The following CLCC1 variants were observed in gnomAD, a reference collection of about 807,000 sequenced individuals.
The protein encoded by CLCC1 is chloride channel CLIC-like protein 1.
A neutral mutation model predicts 63.3 loss-of-function variants in CLCC1; 39 were observed. That is an observed-to-expected ratio of 0.62 (90% CI 0.48 to 0.81). CLCC1 has a LOEUF of 0.81. CLCC1 is among the 30% of genes least tolerant of loss of function. The pLI is 0.00. For missense variants in CLCC1, 549 were observed against 669.4 expected, an observed-to-expected ratio of 0.82 and a Z score of 1.98; for synonymous variants, 217 against 239.8, an observed-to-expected ratio of 0.90 and a Z score of 0.88.
At position 108,934,857 on chromosome 1, in the gene CLCC1, CT is replaced by C; in HGVS notation, c.1468del (p.Ser490AlafsTer90). The stretch of plus-strand genomic sequence containing the variant: ...AGAGACAGGCTTGGCCGACTGGCTG[CT>C]TTCAGTACTGCTTTCTTTCGGTGTG... ...EGTPKESSTESSQSAKPVSGQ... is the reference protein window; with the variant it reads ...EGTPKESSTEXSQSAKPVSGQ... On this transcript the variant is annotated frameshift_variant, in exon 12 of 13. Transcript: ENST00000369969. LOFTEE classifies it high-confidence loss of function. 1 of 1,614,244 alleles carries C rather than the reference CT, an allele frequency of 6.2e-7. No individual in the cohort carries two copies. The highest frequency in any genetic ancestry group is 8.5e-7 in the Non-Finnish European group (1 of 1,180,046).
chr1:108,935,000 A>C (rs1222135735), intron 11 of CLCC1, 58 bp from the exon 12 acceptor site: 13 of 1,499,776 alleles, frequency 8.7e-6, no homozygotes, highest in Non-Finnish European at 1.1e-5. Context: ...CTTAGTAATC[A>C]AACATATCTA....
rs114872012 is a variant in CLCC1 at position 108,961,881 on chromosome 1, T to C, written c.-12+428A>G. On this transcript the variant is annotated intron_variant, in intron 2 of 12. Transcript: ENST00000369969. ...TCTAAAAAAAAAAAAGTAGCTAATATTTTGTTACTATGTGCTAAGCACTGT... is the reference window on the plus strand; with the variant it reads ...TCTAAAAAAAAAAAAGTAGCTAATACTTTGTTACTATGTGCTAAGCACTGT... 5.5e-3 allele frequency among the ~76,000 whole-genome samples: 838 copies of C among 152,212 alleles called. 6 individuals are homozygous for C. The highest frequency in any genetic ancestry group is 0.019 in the African/African-American group (801 of 41,514).
Position 108,937,008 on chromosome 1 carries a change from C to T in CLCC1, c.1383+69G>A, listed in dbSNP as rs1653118135. 3 of 1,141,136 alleles carry T rather than the reference C, an allele frequency of 2.6e-6. No homozygotes were observed. In the East Asian group the frequency reaches 8.2e-5, roughly 31 times the overall value. The allele number at this position is 1,141,136 out of a possible 1,614,324, so 70.7% of individuals were successfully genotyped here. On this transcript the variant is annotated intron_variant, in intron 11 of 12. Transcript: ENST00000369969. Reference sequence around the variant, plus strand: ...TGAGGGGTAAAAGAGTAAAAACAATCAGACCTCTTCCAGAAGGATTTAGAA... The same window carrying T: ...TGAGGGGTAAAAGAGTAAAAACAATTAGACCTCTTCCAGAAGGATTTAGAA...
At position 108,929,936 on chromosome 1, in the gene CLCC1, AT is replaced by A; in HGVS notation, c.*2610del. On this transcript the variant is annotated 3_prime_UTR_variant, in exon 13 of 13. Coordinates refer to ENST00000369969, the MANE Select transcript of CLCC1 (RefSeq NM_001377458.1). Reference sequence around the variant, plus strand: ...AATTCAGGGAAAAAATCGGCAGACCATTAGTTACTATGGATTTATTTTTTTT... The same window carrying A: ...AATTCAGGGAAAAAATCGGCAGACCATAGTTACTATGGATTTATTTTTTTT... 6.2e-7 allele frequency: 1 copy of A among 1,612,882 alleles called. No homozygotes were observed. The highest frequency in any genetic ancestry group is 8.5e-7 in the Non-Finnish European group (1 of 1,179,012).
At chr1:108,952,814 AAG>A (rs1334990174) in intron 2 of CLCC1, among the ~76,000 whole-genome samples, 1 of 151,876 alleles carries the variant, frequency 6.6e-6, no homozygotes, top group African/African-American at 2.4e-5. Flanking sequence ...AAAAAAAAAA[AAG>A]AAAGAAAGGT....
chr1:108,937,103 G>A lies in CLCC1; in HGVS notation c.1357C>T (p.Arg453Ter). 1 of 1,515,972 alleles carries A rather than the reference G, an allele frequency of 6.6e-7. No individual in the cohort carries two copies. Among genetic ancestry groups the A allele is most frequent in the South Asian group, 1.3e-5 (1 of 74,180 alleles). The allele number at this position is 1,515,972 out of a possible 1,614,324, so 93.9% of individuals were successfully genotyped here. A position where few individuals can be genotyped will look rare whatever the true frequency, so the allele number is the denominator to read the frequency against. The change falls in exon 11 of 13, where the codon CGA becomes TGA. Residue 453 changes from arginine to a stop codon, truncating the protein, a stop_gained. Coordinates refer to ENST00000369969, the MANE Select transcript of CLCC1 (RefSeq NM_001377458.1). LOFTEE classifies it high-confidence loss of function. ...RAFDVPDAEA[R>*]EHPTVVPSHK... ...CTGGGTACCACCGTGGGATGCTCTC[G>A]TGCCTCTGCGTCTGGTACATCAAAT... is the stretch of plus-strand genomic sequence containing the variant.
At chr1:108,938,665 A>G (rs980596822) in intron 10 of CLCC1, among the ~76,000 whole-genome samples, 1 of 152,174 alleles carries the variant, frequency 6.6e-6, no homozygotes, top group Non-Finnish European at 1.5e-5. Flanking sequence ...CTGCTCCTGG[A>G]TCCCCAAACT....
chr1:108,961,282 G>A (rs1245945978), intron 2 of CLCC1, among the ~76,000 whole-genome samples: 1 of 31,328 alleles, frequency 3.2e-5, no homozygotes, highest in Non-Finnish European at 5.9e-5. Context: ...TGAAGAGTTT[G>A]TTAAAAAAAA....
intron 2 of CLCC1, among the ~76,000 whole-genome samples, chr1:108,956,910 A>AGGCGGGGAGGGGGGGAGGCGGGGAGGCG (rs1447414337): frequency 7.0e-6 from 1 of 142,528 alleles, no homozygotes; most frequent in Non-Finnish European, 1.5e-5. Context: ...GGAGGCGGGG[A>AGGCGGGGAGGGGGGGAGGCGGGGAGGCG]GGGAGTGGTA....
chr1:108,934,358 C>T, intron 12 of CLCC1: 2 of 300,052 alleles, frequency 6.7e-6, no homozygotes, highest in Non-Finnish European at 1.2e-5. Context: ...TTTTCAATGT[C>T]CCCAATTCAA....
chr1:108,936,109 T>C (rs1175658795), intron 11 of CLCC1, among the ~76,000 whole-genome samples: 2 of 115,640 alleles, frequency 1.7e-5, no homozygotes, highest in South Asian at 2.6e-4. Context: ...TTTTTTTTTT[T>C]TGAGACGACG....
chr1:108,956,914 A>AGGCGGGGAGGCG (rs1553223068), intron 2 of CLCC1, among the ~76,000 whole-genome samples: 1 of 69,986 alleles, frequency 1.4e-5, no homozygotes, highest in African/African-American at 5.7e-5. Context: ...GCGGGGAGGG[A>AGGCGGGGAGGCG]GTGGTAGACC....
chr1:108,956,797 A>G (rs1325378035), intron 2 of CLCC1, among the ~76,000 whole-genome samples: 1 of 143,960 alleles, frequency 6.9e-6, no homozygotes, highest in Non-Finnish European at 1.5e-5. Flanking sequence ...GCAAGTATAG[A>G]AGCCCTGAGT....
At position 108,943,863 on chromosome 1, in the gene CLCC1, A is replaced by G. The variant is rs1654176692; in HGVS notation, c.534T>C (p.Phe178=). The G allele has an allele frequency of 1.2e-6, 2 of 1,613,596 alleles. No homozygotes were observed. The highest frequency in any genetic ancestry group is 2.2e-5 in the East Asian group (1 of 44,882). The part of the protein sequence containing the change: ...ETWKWRFEDS[F]GVDPYNVLMV... ...TTAACACATTATATGGATCCACTCC[A>G]AAGGAATCTTCGAATCGCCACTTCC... is the stretch of plus-strand genomic sequence containing the variant. Residue 178 remains phenylalanine, a synonymous_variant, in exon 6 of 13, where the codon TTT becomes TTC. Transcript: ENST00000369969.
At chr1:108,944,660 C>T (rs1293217246) in intron 5 of CLCC1, among the ~76,000 whole-genome samples, 1 of 150,258 alleles carries the variant, frequency 6.7e-6, no homozygotes, top group Non-Finnish European at 1.5e-5. Context: ...GATGGAGTCT[C>T]ACTCTGTCGC....
At position 108,929,701 on chromosome 1, in the gene CLCC1, G is replaced by A. The variant is rs1012458908; in HGVS notation, c.*2846C>T. The A allele has an allele frequency of 3.7e-6, 6 of 1,612,956 alleles. No homozygotes were observed. Among genetic ancestry groups the A allele is most frequent in the South Asian group, 2.2e-5 (2 of 91,060 alleles). ...TTTAATCTCTCTCATAAACTTCTAG[G>A]GATCCAGATTAGATGATCAAAGATG... On this transcript the variant is annotated 3_prime_UTR_variant, in exon 13 of 13. Coordinates refer to ENST00000369969, the MANE Select transcript of CLCC1 (RefSeq NM_001377458.1).
In CLCC1 at chr1:108,944,835, T is replaced by C. The variant is rs553818480; in HGVS notation, c.340-778A>G. Among the ~76,000 whole-genome samples the C allele has an allele frequency of 3.3e-5, 5 of 152,260 alleles. No individual in the cohort carries two copies. The East Asian group carries it at 9.7e-4, about 29-fold the overall frequency. ...TAGTAGAGACGGGGTTTCACCGCAT[T>C]AGCCAGGATGGTCTCGATCTCCTGA... On this transcript the variant is annotated intron_variant, in intron 5 of 12. Coordinates refer to ENST00000369969, the MANE Select transcript of CLCC1 (RefSeq NM_001377458.1).
chr1:108,949,353 AT>A (rs369168224), intron 4 of CLCC1, among the ~76,000 whole-genome samples: 272 of 152,284 alleles, frequency 1.8e-3, no homozygotes, highest in Middle Eastern at 6.8e-3. Context: ...CTTCAGCTAC[AT>A]TTTTTTAAGA....
In CLCC1 at chr1:108,963,393, A is replaced by T. The variant is rs1181267407; in HGVS notation, c.-205T>A. ...ATCCCCTGCCTGCCTCTCGAGGAAG[A>T]CACCTGCCCAGGCCGGCCGCAGAAG... On this transcript the variant is annotated 5_prime_UTR_variant, in exon 1 of 13. Coordinates refer to ENST00000369969, the MANE Select transcript of CLCC1 (RefSeq NM_001377458.1). 11 of 702,260 alleles carry T rather than the reference A, an allele frequency of 1.6e-5. No individual in the cohort carries two copies. Among genetic ancestry groups the T allele is most frequent in the Non-Finnish European group, 2.9e-5 (11 of 384,860 alleles). 43.5% of individuals were successfully genotyped at this position (702,260 alleles called of 1,614,324 possible).
Sources: gnomAD v4.1 joint callset for allele counts (sites outside exome capture counted in the v4.1 genomes callset) on GRCh38, gnomAD v4.1.1 for gene constraint, MANE v1.5 for transcripts, NCBI Gene and HGNC (gene_info 2026-07-23, HGNC 2026-07-21) for gene names.